Variants in CWC27 observed in about 807,000 individuals in gnomAD.
CWC27 encodes spliceosome-associated protein CWC27 homolog.
In CWC27, 47 loss-of-function variants were observed where a neutral mutation model predicts 63.6. The ratio of observed to expected loss-of-function variants is 0.74; its 90% CI spans 0.58 to 0.94. The LOEUF (loss-of-function observed/expected upper bound fraction) is 0.94. CWC27 is among the 40% of genes least tolerant of loss of function. The pLI is 0.00. For missense variants in CWC27, 495 were observed against 554.3 expected (o/e 0.89, Z 1.07); for synonymous variants, 175 against 179.8 (o/e 0.97, Z 0.22).
intron 11 of CWC27, among the ~76,000 whole-genome samples, chr5:64,968,110 T>C (rs1749051516): frequency 6.6e-6 from 1 of 152,042 alleles, no homozygotes; most frequent in Non-Finnish European, 1.5e-5. Context: ...GAAAAGAAGA[T>C]ACATAAATGG....
At chr5:64,923,536 G>T (rs1256186395) in intron 11 of CWC27, among the ~76,000 whole-genome samples, 1 of 149,442 alleles carries the variant, frequency 6.7e-6, no homozygotes, top group Non-Finnish European at 1.5e-5. Context: ...GCATCTGTCA[G>T]AGGGTCTGTG....
chr5:64,779,183 A>G (rs1743567313), intron 2 of CWC27, among the ~76,000 whole-genome samples: 1 of 152,196 alleles, frequency 6.6e-6, no homozygotes, highest in Non-Finnish European at 1.5e-5. Context: ...TTAAATAATA[A>G]AGACATTTAT....
At chr5:64,800,391 C>A (rs1744448344) in intron 8 of CWC27, 64 bp downstream of exon 8, 1 of 1,223,912 alleles carries the variant, frequency 8.2e-7, no homozygotes, top group Non-Finnish European at 1.2e-6. Context: ...TTTCTTGCTT[C>A]TTCTGTGAGT....
intron 10 of CWC27, among the ~76,000 whole-genome samples, chr5:64,865,926 G>A (rs767025780): frequency 7.2e-5 from 11 of 151,992 alleles, no homozygotes; most frequent in Non-Finnish European, 1.6e-4. Context: ...AGCCACATCT[G>A]TCATATGGTG....
At chr5:65,013,819 C>T (rs1750004144) in intron 13 of CWC27, among the ~76,000 whole-genome samples, 3 of 151,884 alleles carry the variant, frequency 2.0e-5, no homozygotes, top group African/African-American at 7.3e-5. Context: ...TGTAGACTTC[C>T]CAATGAAAAA....
chr5:64,844,382 C>T (rs1184597205), intron 10 of CWC27, among the ~76,000 whole-genome samples: 3 of 152,180 alleles, frequency 2.0e-5, no homozygotes. Context: ...CATAGTTGAC[C>T]CCCAAAGCTA....
At chr5:64,854,764 A>G (rs1411199865) in intron 10 of CWC27, among the ~76,000 whole-genome samples, 1 of 152,176 alleles carries the variant, frequency 6.6e-6, no homozygotes, top group Non-Finnish European at 1.5e-5. Flanking sequence ...TGTTATTCTC[A>G]TAAATACCCA....
intron 11 of CWC27, among the ~76,000 whole-genome samples, chr5:64,928,022 G>T (rs1416638084): frequency 6.6e-6 from 1 of 152,056 alleles, no homozygotes; most frequent in African/African-American, 2.4e-5. Context: ...AGGCATGGTG[G>T]CAGGCACCTG....
chr5:64,839,566 A>G (rs943775265), intron 10 of CWC27, among the ~76,000 whole-genome samples: 2 of 152,212 alleles, frequency 1.3e-5, no homozygotes, highest in Non-Finnish European at 1.5e-5. Flanking sequence ...GAAACGAGAA[A>G]GCACAGGGCC....
At chr5:64,958,822 A>G (rs1309090158) in intron 11 of CWC27, among the ~76,000 whole-genome samples, 2 of 152,184 alleles carry the variant, frequency 1.3e-5, no homozygotes, top group African/African-American at 4.8e-5. Context: ...AGGATAAACT[A>G]TAGAAGAAAA....
intron 10 of CWC27, among the ~76,000 whole-genome samples, chr5:64,858,303 CA>C (rs1199794380): frequency 3.5e-5 from 5 of 144,570 alleles, no homozygotes; most frequent in Admixed American, 2.1e-4. Context: ...ACTAAAAATA[CA>C]AAAAAAAATT....
At chr5:64,808,414 TTTC>T in intron 10 of CWC27, 1 of 885,356 alleles carries the variant, frequency 1.1e-6, no homozygotes, top group Non-Finnish European at 1.4e-6. Flanking sequence ...ATATACATTT[TTTC>T]TTCTTTGTGT....
At chr5:64,863,154 C>T (rs938045432) in intron 10 of CWC27, among the ~76,000 whole-genome samples, 1 of 152,094 alleles carries the variant, frequency 6.6e-6, no homozygotes, top group African/African-American at 2.4e-5. Flanking sequence ...GAATGACTCA[C>T]GTTCTGGACT....
At chr5:64,834,086 C>T (rs1745596192) in intron 10 of CWC27, among the ~76,000 whole-genome samples, 1 of 149,450 alleles carries the variant, frequency 6.7e-6, no homozygotes, top group African/African-American at 2.4e-5. Context: ...GTTGTCATGC[C>T]CCTCGCTTTT....
intron 13 of CWC27, among the ~76,000 whole-genome samples, chr5:64,981,072 A>G (rs1749324834): frequency 6.6e-6 from 1 of 152,148 alleles, no homozygotes; most frequent in Non-Finnish European, 1.5e-5. Context: ...AACCTGGTTG[A>G]CAGAGCAAAA....
At chr5:64,915,243 G>A (rs1240290574) in intron 11 of CWC27, among the ~76,000 whole-genome samples, 2 of 152,118 alleles carry the variant, frequency 1.3e-5, no homozygotes, top group South Asian at 4.1e-4. Flanking sequence ...GTGGTAGTAT[G>A]GGCTTGTATA....
At chr5:64,785,380 A>C in intron 4 of CWC27, 101 bp from the exon 5 acceptor site, 1 of 536,648 alleles carries the variant, frequency 1.9e-6, no homozygotes, top group East Asian at 3.3e-5. Context: ...AATCACATGA[A>C]ATTTTCTTTT....
intron 9 of CWC27, among the ~76,000 whole-genome samples, chr5:64,801,537 A>G (rs1012818878): frequency 6.6e-6 from 1 of 151,930 alleles, no homozygotes; most frequent in Non-Finnish European, 1.5e-5. Context: ...GTGTGTGTGT[A>G]TATCTCTCTA....
intron 13 of CWC27, among the ~76,000 whole-genome samples, chr5:65,003,875 C>T (rs1259836426): frequency 6.7e-6 from 1 of 149,092 alleles, no homozygotes; most frequent in African/African-American, 2.5e-5. Flanking sequence ...GACAGAATCT[C>T]ACTCTGTTGC....
Sources: gnomAD v4.1 joint callset for allele counts (sites outside exome capture counted in the v4.1 genomes callset) on GRCh38, gnomAD v4.1.1 for gene constraint, MANE v1.5 for transcripts, NCBI Gene and HGNC (gene_info 2026-07-23, HGNC 2026-07-21) for gene names.